The following HS6ST3 variants were observed in gnomAD, a reference collection of about 807,000 sequenced individuals.
The protein encoded by HS6ST3 is heparan-sulfate 6-O-sulfotransferase 3.
HS6ST3 carries 12 observed loss-of-function variants against 36.7 expected under a neutral mutation model. That is an observed-to-expected ratio of 0.33 (90% confidence interval 0.21 to 0.53). The LOEUF (loss-of-function observed/expected upper bound fraction) is 0.53. HS6ST3 is among the 20% of genes least tolerant of loss of function. HS6ST3 has a pLI of 0.95. For missense variants in HS6ST3, 584 were observed against 640.9 expected (o/e 0.91, Z 0.96); for synonymous variants, 240 against 257.5 (o/e 0.93, Z 0.65).
intron 1 of HS6ST3, among the ~76,000 whole-genome samples, chr13:96,117,230 A>G (rs904552645): frequency 2.0e-5 from 3 of 152,192 alleles, no homozygotes; most frequent in Admixed American, 2.0e-4. Context: ...GAAAGAGAAT[A>G]TTTTGGTCTG....
intron 1 of HS6ST3, among the ~76,000 whole-genome samples, chr13:96,238,843 A>G (rs184556249): frequency 1.8e-4 from 27 of 152,326 alleles, no homozygotes; most frequent in Admixed American, 1.3e-3. Context: ...TGTTTATTCT[A>G]CTTGGTGCCT....
At chr13:96,730,408 G>A (rs1348293791) in intron 1 of HS6ST3, among the ~76,000 whole-genome samples, 1 of 152,036 alleles carries the variant, frequency 6.6e-6, no homozygotes, top group African/African-American at 2.4e-5. Context: ...CAAGTAAAAA[G>A]CACTAGATAA....
At chr13:96,455,054 C>G (rs1022164993) in intron 1 of HS6ST3, among the ~76,000 whole-genome samples, 2 of 152,100 alleles carry the variant, frequency 1.3e-5, no homozygotes, top group African/African-American at 4.8e-5. Flanking sequence ...GTCTGTCCAT[C>G]TGACTACTAA....
chr13:96,242,562 T>A (rs2054565933), intron 1 of HS6ST3, among the ~76,000 whole-genome samples: 1 of 151,928 alleles, frequency 6.6e-6, no homozygotes. Flanking sequence ...CATACAGTAT[T>A]TGTCCTTCTA....
In HS6ST3 at chr13:96,112,583, ATAT is replaced by A. The variant is rs1566884872; in HGVS notation, c.707+21015_707+21017del. Among the ~76,000 whole-genome samples the A allele has an allele frequency of 2.7e-3, 114 of 41,954 alleles. 1 individual carries two copies. Among genetic ancestry groups the A allele is most frequent in the Non-Finnish European group, 4.0e-3 (79 of 19,668 alleles). 27.5% of individuals were successfully genotyped at this position (41,954 alleles called of 152,430 possible). A position where few individuals can be genotyped will look rare whatever the true frequency, so the allele number is the denominator to read the frequency against. ...CCCCATCTCTAAAATAAATAAATAT[ATAT>A]ATATATATATATATATATATATATA... On this transcript the variant is annotated intron_variant, in intron 1 of 1. Transcript: ENST00000376705.
At chr13:96,425,899 T>C (rs901622886) in intron 1 of HS6ST3, among the ~76,000 whole-genome samples, 1 of 151,848 alleles carries the variant, frequency 6.6e-6, no homozygotes, top group Non-Finnish European at 1.5e-5. Context: ...TGAATTTCTT[T>C]CATTTATTGC....
rs369644525 is a variant in HS6ST3, at chr13:96,339,838, G to A, written c.707+248269G>A. 4.6e-5 allele frequency among the ~76,000 whole-genome samples: 7 copies of A among 152,342 alleles called. No homozygotes were observed. In the East Asian group the frequency reaches 1.2e-3, roughly 25 times the overall value. On this transcript the variant is annotated intron_variant, in intron 1 of 1. Transcript: ENST00000376705. ...GGGCCCTGTGTGGATACAGAGGACA[G>A]TGGAAAAGGAAGGTGCTCTTTGTGG...
chr13:96,581,272 T>G (rs1594811647), intron 1 of HS6ST3, among the ~76,000 whole-genome samples: 1 of 150,722 alleles, frequency 6.6e-6, no homozygotes, highest in African/African-American at 2.4e-5. Context: ...CAGGCTGGAG[T>G]GCAGTGGCAT....
rs573216108 is a variant in HS6ST3, at chr13:96,102,726, C to T, written c.707+11157C>T. ...CAACACCTATTGATCGGCAACAATT[C>T]ATTTGTTAATTTCTTCCTAATAAGA... On this transcript the variant is annotated intron_variant, in intron 1 of 1. Transcript: ENST00000376705. Among the ~76,000 whole-genome samples the T allele has an allele frequency of 2.6e-5, 4 of 152,302 alleles. No homozygotes were observed. In the South Asian group the frequency reaches 8.3e-4, roughly 32 times the overall value.
chr13:96,659,711 A>G (rs1472682039), intron 1 of HS6ST3, among the ~76,000 whole-genome samples: 1 of 152,068 alleles, frequency 6.6e-6, no homozygotes, highest in African/African-American at 2.4e-5. Flanking sequence ...TTTTGGTCTC[A>G]TATAGCTATC....
chr13:96,450,871 A>G (rs114025789), intron 1 of HS6ST3, among the ~76,000 whole-genome samples: 71 of 152,302 alleles, frequency 4.7e-4, no homozygotes, highest in African/African-American at 1.7e-3. Context: ...GGTATCAAAT[A>G]TGCTGGTGTT....
At chr13:96,117,853 C>T (rs58520725) in intron 1 of HS6ST3, among the ~76,000 whole-genome samples, 8,338 of 151,586 alleles carry the variant, frequency 0.055, 362 homozygotes, top group East Asian at 0.19. Context: ...TCCTCACTCA[C>T]GTGTACCTTA....
intron 1 of HS6ST3, among the ~76,000 whole-genome samples, chr13:96,524,307 A>G (rs369496746): frequency 1.4e-4 from 22 of 152,162 alleles, no homozygotes; most frequent in Non-Finnish European, 1.3e-4. Context: ...GTCAGGCTAC[A>G]CAGGGGTCAG....
chr13:96,702,659 G>C (rs746706582), intron 1 of HS6ST3, among the ~76,000 whole-genome samples: 4 of 152,074 alleles, frequency 2.6e-5, no homozygotes, highest in Non-Finnish European at 5.9e-5. Flanking sequence ...TGCAGGTACA[G>C]AAAAAATGAA....
At chr13:96,216,378 C>T (rs2054425723) in intron 1 of HS6ST3, among the ~76,000 whole-genome samples, 2 of 152,126 alleles carry the variant, frequency 1.3e-5, no homozygotes, top group African/African-American at 4.8e-5. Context: ...GAGCCGTTGC[C>T]TCAATGTTGA....
At chr13:96,679,504 C>CT (rs370852421) in intron 1 of HS6ST3, among the ~76,000 whole-genome samples, 34 of 152,178 alleles carry the variant, frequency 2.2e-4, no homozygotes, top group African/African-American at 7.9e-4. Context: ...TATTTGGATC[C>CT]TTTTATTTAC....
rs906815760 is a variant in HS6ST3, at chr13:96,550,698, G to A, written c.708-281792G>A. ...TATACTCAAAACTTGGCGTAATTAT[G>A]TATTGAGTGAAGGGAGGAATGATTA... On this transcript the variant is annotated intron_variant, in intron 1 of 1. Transcript: ENST00000376705. 3.3e-4 allele frequency among the ~76,000 whole-genome samples: 50 copies of A among 151,810 alleles called. 1 individual carries two copies. The highest frequency in any genetic ancestry group is 1.2e-3 in the African/African-American group (48 of 41,302).
At chr13:96,804,168 G>A (rs563948578) in intron 1 of HS6ST3, among the ~76,000 whole-genome samples, 6 of 152,054 alleles carry the variant, frequency 3.9e-5, no homozygotes, top group Non-Finnish European at 7.4e-5. Context: ...AAAGAAAAAG[G>A]CATGGAGTCA....
chr13:96,833,138 A>C lies in HS6ST3; in HGVS notation c.1356A>C (p.Glu452Asp). ...REHRDHQWPKEDGAAEGTVTE... is the reference protein window; with the variant it reads ...REHRDHQWPKDDGAAEGTVTE... ...ACAGGGACCACCAGTGGCCCAAAGAAGATGGGGCTGCAGAAGGGACTGTCA... is the reference window on the plus strand; with the variant it reads ...ACAGGGACCACCAGTGGCCCAAAGACGATGGGGCTGCAGAAGGGACTGTCA... Residue 452 changes from glutamate to aspartate, a missense_variant, in exon 2 of 2, where the codon GAA (glutamate) becomes GAC (aspartate). This residue lies in a region of HS6ST3 where 360 missense variants were observed against 411.3 expected (regional missense o/e 0.88). Coordinates refer to ENST00000376705, the MANE Select transcript of HS6ST3 (RefSeq NM_153456.4). 1 of 1,599,894 alleles carries C rather than the reference A, an allele frequency of 6.3e-7. No homozygotes were observed. The highest frequency in any genetic ancestry group is 8.5e-7 in the Non-Finnish European group (1 of 1,179,136).
Sources: allele counts gnomAD v4.1 joint callset (sites outside exome capture counted in the v4.1 genomes callset), GRCh38; gene constraint gnomAD v4.1.1; regional missense constraint gnomAD v4.1.1; transcripts MANE v1.5; gene names NCBI Gene and HGNC (gene_info 2026-07-23, HGNC 2026-07-21).